ARK2N: variants seen among roughly 807,000 people sequenced by gnomAD.
ARK2N encodes protein ARK2N.
the ARK2N span, chr18:46,264,470 T>G: frequency 3.3e-5 from 5 of 152,710 alleles, no homozygotes; most frequent in East Asian, 9.7e-4. Flanking sequence ...TGTTTTTGTT[T>G]CCATTGTTAC....
At chr18:46,255,242 G>A in the ARK2N span, among the ~76,000 whole-genome samples, 2 of 152,120 alleles carry the variant, frequency 1.3e-5, no homozygotes, top group African/African-American at 4.8e-5. Flanking sequence ...CTTTAAGGAT[G>A]TAGAGTTAAT....
At chr18:46,229,843 A>AT in the ARK2N span, among the ~76,000 whole-genome samples, 10 of 151,940 alleles carry the variant, frequency 6.6e-5, no homozygotes, top group Admixed American at 6.6e-4. Flanking sequence ...AGCTCAAGGG[A>AT]TCCCCCAGCC....
chr18:46,218,818 T>C, the ARK2N span: 1 of 152,214 alleles, frequency 6.6e-6, no homozygotes, highest in Non-Finnish European at 1.5e-5. Flanking sequence ...TTCAACAACA[T>C]GGACATTCAG....
At chr18:46,255,013 A>G in the ARK2N span, among the ~76,000 whole-genome samples, 1 of 151,774 alleles carries the variant, frequency 6.6e-6, no homozygotes, top group Non-Finnish European at 1.5e-5. Context: ...AAATAGGTAT[A>G]TAACATAGTG....
the ARK2N span, chr18:46,263,290 C>A: frequency 1.8e-6 from 1 of 570,748 alleles, no homozygotes; most frequent in Non-Finnish European, 2.9e-6. Flanking sequence ...TAAAAGAAGT[C>A]ACTTAGGAAA....
the ARK2N span, among the ~76,000 whole-genome samples, chr18:46,195,463 G>A: frequency 6.7e-6 from 1 of 149,838 alleles, no homozygotes; most frequent in African/African-American, 2.5e-5. Context: ...TACCCAGGCT[G>A]GTCTCAAACT....
chr18:46,247,345 T>C, the ARK2N span, among the ~76,000 whole-genome samples: 1 of 152,190 alleles, frequency 6.6e-6, no homozygotes, highest in African/African-American at 2.4e-5. Context: ...GAAATATTGA[T>C]GACAGATATT....
the ARK2N span, among the ~76,000 whole-genome samples, chr18:46,176,276 A>G: frequency 6.6e-6 from 1 of 152,182 alleles, no homozygotes; most frequent in Non-Finnish European, 1.5e-5. Flanking sequence ...CAATTTCAGT[A>G]TTCTTCTTTC....
the ARK2N span, among the ~76,000 whole-genome samples, chr18:46,246,023 A>G: frequency 2.0e-5 from 3 of 152,248 alleles, no homozygotes; most frequent in African/African-American, 4.8e-5. Flanking sequence ...CAGCTGTCAC[A>G]ATAGCTAAAT....
chr18:46,255,767 T>A, the ARK2N span, among the ~76,000 whole-genome samples: 1 of 152,024 alleles, frequency 6.6e-6, no homozygotes, highest in African/African-American at 2.4e-5. Flanking sequence ...TCTTTTTTTT[T>A]AATGATTATT....
At chr18:46,177,939 A>G in the ARK2N span, among the ~76,000 whole-genome samples, 5 of 152,196 alleles carry the variant, frequency 3.3e-5, no homozygotes, top group Non-Finnish European at 7.3e-5. Context: ...CTTTATTCTC[A>G]CAACAACAAT....
the ARK2N span, among the ~76,000 whole-genome samples, chr18:46,190,209 G>A: frequency 6.6e-6 from 1 of 152,062 alleles, no homozygotes; most frequent in Admixed American, 6.6e-5. Flanking sequence ...TTTTTATCTT[G>A]TGTAGTGTTT....
chr18:46,182,283 A>G, the ARK2N span, among the ~76,000 whole-genome samples: 1 of 152,198 alleles, frequency 6.6e-6, no homozygotes. Context: ...TGCTGAAATC[A>G]ACTAAGCACT....
At chr18:46,199,653 G>T in the ARK2N span, among the ~76,000 whole-genome samples, 2 of 152,026 alleles carry the variant, frequency 1.3e-5, no homozygotes, top group Admixed American at 1.3e-4. Context: ...ATTACTGTAG[G>T]AGATTTGGAG....
chr18:46,190,358 A>G, the ARK2N span, among the ~76,000 whole-genome samples: 5 of 144,486 alleles, frequency 3.5e-5, no homozygotes, highest in East Asian at 8.0e-4. Context: ...CGTCTCTAGT[A>G]AAAACACAAA....
At chr18:46,215,942 A>C in the ARK2N span, 1 of 1,614,164 alleles carries the variant, frequency 6.2e-7, no homozygotes, top group South Asian at 1.1e-5. Flanking sequence ...GCCCCACCAA[A>C]AGCATCTGAA....
chr18:46,250,727 C>T, the ARK2N span, among the ~76,000 whole-genome samples: 1 of 152,220 alleles, frequency 6.6e-6, no homozygotes, highest in Non-Finnish European at 1.5e-5. Flanking sequence ...TCAGTGGCTT[C>T]CTACTTCTCA....
the ARK2N span, among the ~76,000 whole-genome samples, chr18:46,230,199 A>G: frequency 3.9e-5 from 6 of 152,206 alleles, no homozygotes; most frequent in African/African-American, 1.4e-4. Context: ...TGCTGGGATT[A>G]CAGGCGTGAG....
the ARK2N span, among the ~76,000 whole-genome samples, chr18:46,255,445 C>CTTTTCTTTTTTTTT: frequency 7.7e-5 from 6 of 77,742 alleles, no homozygotes; most frequent in African/African-American, 3.7e-4. Context: ...CTTTTCTTTT[C>CTTTTCTTTTTTTTT]TTTTTTTTTT....
Sources: allele counts gnomAD v4.1 joint callset (sites outside exome capture counted in the v4.1 genomes callset), GRCh38; gene constraint gnomAD v4.1.1; transcripts MANE v1.5; gene names NCBI Gene and HGNC (gene_info 2026-07-23, HGNC 2026-07-21).